Variants in EXOC2 observed in about 807,000 individuals in gnomAD.
The protein encoded by EXOC2 is exocyst complex component 2, also known as SEC5-like 1.
A neutral mutation model predicts 131.8 loss-of-function variants in EXOC2; 70 were observed. The observed-to-expected ratio is 0.53, with a 90% CI of 0.44 to 0.65. The LOEUF (loss-of-function observed/expected upper bound fraction) is 0.65. Ranked by LOEUF, EXOC2 falls within the 30% of genes least tolerant of loss-of-function variation. EXOC2 has a pLI of 0.00. For missense variants in EXOC2, 923 were observed against 1,108.6 expected (o/e 0.83, Z 2.38); for synonymous variants, 411 against 398.4 (o/e 1.03, Z -0.38).
chr6:531,504 A>G (rs187174421), intron 23 of EXOC2, among the ~76,000 whole-genome samples: 2 of 148,940 alleles, frequency 1.3e-5, no homozygotes, highest in East Asian at 2.0e-4. Context: ...CACATTAAGT[A>G]ACTGTGGCTA....
At chr6:582,176 A>C (rs893644794) in intron 11 of EXOC2, among the ~76,000 whole-genome samples, 1 of 152,216 alleles carries the variant, frequency 6.6e-6, no homozygotes, top group African/African-American at 2.4e-5. Context: ...ACTTCCAGGA[A>C]ACCATATCAG....
At position 580,329 on chromosome 6, in the gene EXOC2, C is replaced by T. The variant is rs570832374; in HGVS notation, c.1193-3447G>A. On this transcript the variant is annotated intron_variant, in intron 11 of 27. Transcript: ENST00000230449. ...TGCTGGGATTACAGGAGTGAGCCACCGTGTCCAGCCCTGGGTGCAGTTTTT... is the reference window on the plus strand; with the variant it reads ...TGCTGGGATTACAGGAGTGAGCCACTGTGTCCAGCCCTGGGTGCAGTTTTT... Among the ~76,000 whole-genome samples, 13 of 152,164 alleles carry T rather than the reference C, an allele frequency of 8.5e-5. No homozygotes were observed. The South Asian group carries it at 2.5e-3, about 29-fold the overall frequency.
At chr6:642,412 T>A (rs1368837734) in intron 1 of EXOC2, among the ~76,000 whole-genome samples, 3 of 152,166 alleles carry the variant, frequency 2.0e-5, no homozygotes, top group Non-Finnish European at 4.4e-5. Flanking sequence ...GGAGAGCTGC[T>A]TGCTTGGTGT....
chr6:598,745 G>A, intron 9 of EXOC2, 115 bp downstream of exon 9: 1 of 725,768 alleles, frequency 1.4e-6, no homozygotes, highest in Admixed American at 3.0e-5. Context: ...ACATTGTAAA[G>A]AGAGCCTCAT....
At chr6:642,822 G>A (rs1254391868) in intron 1 of EXOC2, among the ~76,000 whole-genome samples, 2 of 151,638 alleles carry the variant, frequency 1.3e-5, no homozygotes, top group African/African-American at 4.8e-5. Flanking sequence ...CATGATTATA[G>A]ATCAATATAG....
chr6:653,347 A>G (rs1762917462), intron 1 of EXOC2, among the ~76,000 whole-genome samples: 1 of 152,266 alleles, frequency 6.6e-6, no homozygotes, highest in African/African-American at 2.4e-5. Context: ...ACAATTGGCC[A>G]AGCTGTGAAT....
chr6:558,075 C>G (rs1757519685), intron 17 of EXOC2, among the ~76,000 whole-genome samples: 1 of 152,162 alleles, frequency 6.6e-6, no homozygotes. Flanking sequence ...GTGCAAAACA[C>G]TGGGACTGAG....
chr6:585,321 G>C (rs2127615013), intron 11 of EXOC2, among the ~76,000 whole-genome samples: 1 of 152,302 alleles, frequency 6.6e-6, no homozygotes, highest in South Asian at 2.1e-4. Flanking sequence ...GGATGCAAGA[G>C]GCATGTGGAG....
At position 501,119 on chromosome 6, in the gene EXOC2, C is replaced by CTA. The variant is rs562549709; in HGVS notation, c.2381-1421_2381-1420dup. Among the ~76,000 whole-genome samples, 6 of 62,600 alleles carry CTA rather than the reference C, an allele frequency of 9.6e-5. 1 individual carries two copies. The highest frequency in any genetic ancestry group is 1.8e-4 in the Non-Finnish European group (6 of 33,426). The allele number at this position is 62,600 out of a possible 152,430, so 41.1% of individuals were successfully genotyped here. A position where few individuals can be genotyped will look rare whatever the true frequency, so the allele number is the denominator to read the frequency against. Reference sequence around the variant, plus strand: ...CAAAAGATATATATATTATATATATCTATATATATTATATATATCTATATA... The same window carrying CTA: ...CAAAAGATATATATATTATATATATCTATATATATATTATATATATCTATATA... On this transcript the variant is annotated intron_variant, in intron 23 of 27. Coordinates refer to ENST00000230449, the MANE Select transcript of EXOC2 (RefSeq NM_018303.6).
chr6:493,568 ACAT>A (rs1763557586), intron 25 of EXOC2, among the ~76,000 whole-genome samples: 1 of 152,176 alleles, frequency 6.6e-6, no homozygotes, highest in Non-Finnish European at 1.5e-5. Context: ...AATCCAGAAA[ACAT>A]CATGCTAAAA....
intron 1 of EXOC2, among the ~76,000 whole-genome samples, chr6:660,203 T>TA (rs1763360581): frequency 1.9e-5 from 1 of 53,220 alleles, no homozygotes; most frequent in South Asian, 6.9e-4. Flanking sequence ...GGTCCTTCCC[T>TA]ACCCAACCTG....
rs147168208 is a variant in EXOC2 at position 617,733 on chromosome 6, G to C, written c.639C>G (p.Phe213Leu). 6.2e-7 allele frequency: 1 copy of C among 1,612,836 alleles called. No homozygotes were observed. Among genetic ancestry groups the C allele is most frequent in the Non-Finnish European group, 8.5e-7 (1 of 1,179,372 alleles). The part of the protein sequence containing the change: ...AYVKGGLSTF[F>L]EAQDALSAIH... ...TACCTGAGAGGGCATCCTGTGCTTC[G>C]AAGAATGTACTGAGACCGCCTTTCA... Residue 213 changes from phenylalanine (F) to leucine (L), a missense_variant, in exon 6 of 28, where the codon TTC becomes TTG. Coordinates refer to ENST00000230449, the MANE Select transcript of EXOC2 (RefSeq NM_018303.6).
chr6:572,094 G>A (rs1758314531), intron 13 of EXOC2, among the ~76,000 whole-genome samples: 1 of 152,220 alleles, frequency 6.6e-6, no homozygotes, highest in African/African-American at 2.4e-5. Flanking sequence ...AAGGGAAATT[G>A]CATACTCTAT....
chr6:540,242 A>T (rs1472374556), intron 22 of EXOC2, among the ~76,000 whole-genome samples: 1 of 152,172 alleles, frequency 6.6e-6, no homozygotes, highest in Non-Finnish European at 1.5e-5. Flanking sequence ...GGCAGGAGCC[A>T]CCACACCCAG....
chr6:558,120 G>C (rs1386272191), intron 17 of EXOC2, among the ~76,000 whole-genome samples: 1 of 152,126 alleles, frequency 6.6e-6, no homozygotes, highest in Admixed American at 6.5e-5. Flanking sequence ...ATTTTTAAAA[G>C]AGTTTGGGAA....
In EXOC2 at chr6:494,731, G is replaced by A. The variant is rs116695383; in HGVS notation, c.2559+2636C>T. Among the ~76,000 whole-genome samples the A allele has an allele frequency of 2.1e-3, 312 of 152,160 alleles. 1 individual carries two copies. The highest frequency in any genetic ancestry group is 7.8e-3 in the Admixed American group (119 of 15,284). ...GTCTGTGTAAGGATTCCTTCATTTC[G>A]CATAATGCTCCTGGGATTCACTGTG... On this transcript the variant is annotated intron_variant, in intron 25 of 27. Coordinates refer to ENST00000230449, the MANE Select transcript of EXOC2 (RefSeq NM_018303.6).
chr6:567,034 G>A (rs1033567722), intron 13 of EXOC2, among the ~76,000 whole-genome samples: 11 of 152,158 alleles, frequency 7.2e-5, no homozygotes, highest in Admixed American at 1.3e-4. Context: ...CTCCACTGAC[G>A]AAACCTTATC....
chr6:691,635 T>C (rs1050087802), intron 1 of EXOC2, among the ~76,000 whole-genome samples: 25 of 152,372 alleles, frequency 1.6e-4, no homozygotes, highest in African/African-American at 5.3e-4. Flanking sequence ...TGGTCAACAG[T>C]AGGCTATTAG....
chr6:494,332 C>T (rs1383035546), intron 25 of EXOC2, among the ~76,000 whole-genome samples: 1 of 152,192 alleles, frequency 6.6e-6, no homozygotes, highest in Non-Finnish European at 1.5e-5. Context: ...ACAGGCTCTC[C>T]CAGTAACACA....
Sources: gnomAD v4.1 joint callset for allele counts (sites outside exome capture counted in the v4.1 genomes callset) on GRCh38, gnomAD v4.1.1 for gene constraint, MANE v1.5 for transcripts, NCBI Gene and HGNC (gene_info 2026-07-23, HGNC 2026-07-21) for gene names.